The following CACNA2D2 variants were observed in gnomAD, a reference collection of about 807,000 sequenced individuals.
CACNA2D2 encodes calcium voltage-gated channel auxiliary subunit alpha2delta 2.
In CACNA2D2, 48 loss-of-function variants were observed where a neutral mutation model predicts 166.4. That is an observed-to-expected ratio of 0.29 (90% CI 0.23 to 0.37). The LOEUF (loss-of-function observed/expected upper bound fraction) is 0.37, where lower values mean the gene tolerates loss of function less well. Ranked by LOEUF, CACNA2D2 falls within the 10% of genes least tolerant of loss-of-function variation. The pLI, the probability that CACNA2D2 is intolerant of heterozygous loss-of-function variation, is 1.00. For missense variants in CACNA2D2, 1,122 were observed against 1,433.0 expected (o/e 0.78, Z 3.50); for synonymous variants, 561 against 573.7 (o/e 0.98, Z 0.32).
chr3:50,424,923 T>TC (rs1213210295), intron 3 of CACNA2D2, among the ~76,000 whole-genome samples: 2 of 143,710 alleles, frequency 1.4e-5, no homozygotes, highest in Non-Finnish European at 2.9e-5. Flanking sequence ...TGCCACCCTA[T>TC]CCCCCTACCT....
At chr3:50,411,403 C>A (rs2106800722) in intron 3 of CACNA2D2, among the ~76,000 whole-genome samples, 1 of 152,320 alleles carries the variant, frequency 6.6e-6, no homozygotes, top group African/African-American at 2.4e-5. Context: ...GATCTGGCCC[C>A]ACCAGAGTGG....
chr3:50,458,365 G>A (rs1029772890), intron 2 of CACNA2D2, among the ~76,000 whole-genome samples: 4 of 152,198 alleles, frequency 2.6e-5, no homozygotes, highest in African/African-American at 9.6e-5. Context: ...GCCAAGCCCT[G>A]TGCCCAACAC....
rs752059769 is a variant in CACNA2D2 at position 50,366,389 on chromosome 3, C to G, written c.2638-51G>C. On this transcript the variant is annotated intron_variant, in intron 30 of 37. Transcript: ENST00000424201. The surrounding 1 kb of genome is among the most constrained non-coding windows in gnomAD (Gnocchi z 5.9). The stretch of plus-strand genomic sequence containing the variant: ...AATGGAGAGGGGCTGGGCCCCGGAC[C>G]TTCCACCGCAGGCAGTCCAGTGGTT... 3.2e-5 allele frequency: 50 copies of G among 1,585,018 alleles called. 1 individual carries two copies. In the South Asian group the frequency reaches 5.4e-4, roughly 17 times the overall value.
At position 50,369,500 on chromosome 3, in the gene CACNA2D2, C is replaced by T. The variant is rs146161593; in HGVS notation, c.2045+820G>A. Among the ~76,000 whole-genome samples, 469 of 152,356 alleles carry T rather than the reference C, an allele frequency of 3.1e-3. 3 individuals carry two copies. The highest frequency in any genetic ancestry group is 0.011 in the African/African-American group (456 of 41,576). On this transcript the variant is annotated intron_variant, in intron 23 of 37. Coordinates refer to ENST00000424201, the MANE Select transcript of CACNA2D2 (RefSeq NM_006030.4). ...ATACACACATCTACAGAGAGAGTCA[C>T]AGAGAAACTGGGTGCATGCACATAC...
intron 2 of CACNA2D2, among the ~76,000 whole-genome samples, chr3:50,465,436 A>C (rs1416435571): frequency 6.6e-6 from 1 of 152,152 alleles, no homozygotes; most frequent in African/African-American, 2.4e-5. Flanking sequence ...CTGCACGATG[A>C]TGCAGTGCAG....
At chr3:50,378,882 C>G in intron 13 of CACNA2D2, 33 bp downstream of exon 13, 6 of 1,611,534 alleles carry the variant, frequency 3.7e-6, no homozygotes, top group Non-Finnish European at 5.1e-6. Flanking sequence ...AAATGGCAGG[C>G]AGGCCCCTGA....
chr3:50,373,043 C>T (rs1465204015), intron 22 of CACNA2D2: 2 of 1,532,438 alleles, frequency 1.3e-6, no homozygotes, highest in Admixed American at 3.9e-5. Flanking sequence ...GAGGAGGGTG[C>T]ACTGGTTCTG....
chr3:50,372,313 G>C (rs1448536277), intron 22 of CACNA2D2, among the ~76,000 whole-genome samples: 2 of 152,118 alleles, frequency 1.3e-5, no homozygotes, highest in Non-Finnish European at 2.9e-5. Context: ...CAGGCCCCTG[G>C]TCCCCAAATC....
chr3:50,444,769 G>A (rs1003136663), intron 2 of CACNA2D2, among the ~76,000 whole-genome samples: 1 of 152,236 alleles, frequency 6.6e-6, no homozygotes, highest in African/African-American at 2.4e-5. Flanking sequence ...AGGTGTGGGA[G>A]ATAAGGGTAG....
chr3:50,408,957 GTC>G (rs559510941), intron 3 of CACNA2D2, among the ~76,000 whole-genome samples: 157 of 152,350 alleles, frequency 1.0e-3, no homozygotes, highest in East Asian at 2.5e-3. Context: ...TGGGACAAGG[GTC>G]TGTTATCCAC....
At position 50,363,471 on chromosome 3, in the gene CACNA2D2, T is replaced by TGTGTGCATAGAGC; in HGVS notation, c.*1194_*1195insGCTCTATGCACAC. ...GAGCTGTGCCCAGTCCCCACCTGTG[T>TGTGTGCATAGAGC]GTGTGTGTGTGTGTGTGTGTTCAGC... On this transcript the variant is annotated 3_prime_UTR_variant, in exon 38 of 38. Transcript: ENST00000424201. The TGTGTGCATAGAGC allele has an allele frequency of 2.7e-5, 10 of 369,660 alleles. No homozygotes were observed. Among genetic ancestry groups the TGTGTGCATAGAGC allele is most frequent in the African/African-American group, 1.9e-4 (9 of 47,470 alleles). The allele number at this position is 369,660 out of a possible 1,614,324, so 22.9% of individuals were successfully genotyped here. A position where few individuals can be genotyped will look rare whatever the true frequency, so the allele number is the denominator to read the frequency against.
chr3:50,364,991 A>C, intron 36 of CACNA2D2, 21 bp from the exon 37 acceptor site: 1 of 1,610,796 alleles, frequency 6.2e-7, no homozygotes, highest in Non-Finnish European at 8.5e-7. Flanking sequence ...GTGGGGAGTC[A>C]AGGAGGCGGA....
chr3:50,367,909 C>G lies in CACNA2D2; in HGVS notation c.2144-7G>C. On this transcript the variant is annotated splice_polypyrimidine_tract_variant and splice_region_variant and intron_variant, in intron 24 of 37. Coordinates refer to ENST00000424201, the MANE Select transcript of CACNA2D2 (RefSeq NM_006030.4). This position sits in a 1 kb window ranked among gnomAD's most constrained non-coding sequence, Gnocchi z 6.5. ...TGCAGAAGGAAGTTGTTGCCTGGAACAGGAGGGGAGGGGTGGGGGTGGGGG... is the reference window on the plus strand; with the variant it reads ...TGCAGAAGGAAGTTGTTGCCTGGAAGAGGAGGGGAGGGGTGGGGGTGGGGG... 1.3e-6 allele frequency: 1 copy of G among 749,842 alleles called. No individual in the cohort carries two copies. Among genetic ancestry groups the G allele is most frequent in the Non-Finnish European group, 2.1e-6 (1 of 481,334 alleles). 46.4% of individuals were successfully genotyped at this position (749,842 alleles called of 1,614,324 possible).
chr3:50,476,293 C>T (rs779842789), intron 1 of CACNA2D2, 94 bp from the exon 2 acceptor site: 2 of 890,238 alleles, frequency 2.2e-6, no homozygotes, highest in Non-Finnish European at 3.5e-6. Context: ...GGGCAACTAT[C>T]CACTCACACC....
chr3:50,429,690 A>G (rs1194864673), intron 3 of CACNA2D2, among the ~76,000 whole-genome samples: 1 of 151,088 alleles, frequency 6.6e-6, no homozygotes, highest in African/African-American at 2.4e-5. Flanking sequence ...CAATGGCGTG[A>G]ACCCGGGAGG....
chr3:50,415,158 C>T (rs1410999619), intron 3 of CACNA2D2, among the ~76,000 whole-genome samples: 1 of 152,208 alleles, frequency 6.6e-6, no homozygotes, highest in Non-Finnish European at 1.5e-5. Flanking sequence ...AATGAAATGC[C>T]CAAGGCCCCC....
intron 3 of CACNA2D2, among the ~76,000 whole-genome samples, chr3:50,432,888 G>A (rs920502673): frequency 2.0e-5 from 3 of 152,240 alleles, no homozygotes; most frequent in Non-Finnish European, 4.4e-5. Flanking sequence ...CTCTCTTGGG[G>A]ACTGGATATG....
chr3:50,456,879 A>G (rs887239607), intron 2 of CACNA2D2, among the ~76,000 whole-genome samples: 1 of 152,162 alleles, frequency 6.6e-6, no homozygotes, highest in African/African-American at 2.4e-5. Flanking sequence ...CACACCCTTC[A>G]TAACACTCCT....
intron 15 of CACNA2D2, 35 bp downstream of exon 15, chr3:50,377,973 G>A (rs370164882): frequency 6.3e-6 from 10 of 1,591,258 alleles, no homozygotes; most frequent in Non-Finnish European, 8.6e-6. Flanking sequence ...GGGGAAGGGT[G>A]CCAGCCCCAC....
Sources: allele counts gnomAD v4.1 joint callset (sites outside exome capture counted in the v4.1 genomes callset), GRCh38; gene constraint gnomAD v4.1.1; non-coding constraint Gnocchi (gnomAD v3.1); transcripts MANE v1.5; gene names NCBI Gene and HGNC (gene_info 2026-07-23, HGNC 2026-07-21).